COPZ2: variants seen among roughly 807,000 people sequenced by gnomAD.
COPZ2 encodes coatomer subunit zeta-2.
Under a neutral mutation model 33.2 loss-of-function variants are expected in COPZ2, and 30 were observed. The observed-to-expected ratio is 0.90, with a 90% CI of 0.68 to 1.23. The LOEUF is 1.23. Among genes scored for constraint, COPZ2 ranks in the 50% most tolerant of loss-of-function variants. The pLI is 0.00. For synonymous variants in COPZ2, 89 were observed against 102.6 expected (o/e 0.87, Z 0.80); for missense variants, 263 against 262.4 (o/e 1.00, Z -0.02).
intron 2 of COPZ2, among the ~76,000 whole-genome samples, chr17:48,035,453 T>C (rs1395151977): frequency 1.3e-5 from 2 of 152,222 alleles, no homozygotes; most frequent in Non-Finnish European, 2.9e-5. Flanking sequence ...TGGAGTGCAG[T>C]AGCTCGATCA....
intron 6 of COPZ2, among the ~76,000 whole-genome samples, chr17:48,030,179 C>T (rs868140406): frequency 6.9e-6 from 1 of 144,816 alleles, no homozygotes; most frequent in Non-Finnish European, 1.5e-5. Flanking sequence ...CCCAGCTACT[C>T]GGGAGGCTGA....
the COPZ2 span, chr17:48,043,477 G>GGT: frequency 2.1e-6 from 2 of 972,894 alleles, no homozygotes; most frequent in Non-Finnish European, 2.4e-6. Context: ...AAGAGGGGGA[G>GGT]GTGTGTGTGG....
In COPZ2 at chr17:48,036,936, A is replaced by G; in HGVS notation, c.112-11T>C. The G allele has an allele frequency of 6.2e-7, 1 of 1,612,916 alleles. No individual in the cohort carries two copies. Among genetic ancestry groups the G allele is most frequent in the East Asian group, 2.2e-5 (1 of 44,864 alleles). The stretch of plus-strand genomic sequence containing the variant: ...GGAAGGTTCCTGCAACTGACACCGG[A>G]GAGGAGAGTTCCGTTTGGCCCCTGA... On this transcript the variant is annotated splice_polypyrimidine_tract_variant and intron_variant, in intron 1 of 8. Transcript: ENST00000621465.
intron 8 of COPZ2, 47 bp from the exon 9 acceptor site, chr17:48,026,522 GC>G: frequency 7.2e-7 from 1 of 1,392,286 alleles, no homozygotes; most frequent in South Asian, 1.2e-5. Flanking sequence ...AATGTCAAAT[GC>G]CTCCATACAC....
At chr17:48,042,622 C>G (rs990125331), upstream of COPZ2, among the ~76,000 whole-genome samples, 5 of 152,090 alleles carry the variant, frequency 3.3e-5, no homozygotes, top group South Asian at 4.1e-4. Context: ...CCACCATGCC[C>G]GGCTAATTTT....
intron 2 of COPZ2, among the ~76,000 whole-genome samples, chr17:48,034,593 G>A (rs1187246111): frequency 6.6e-6 from 1 of 152,074 alleles, no homozygotes; most frequent in Non-Finnish European, 1.5e-5. Flanking sequence ...CAGGAAAGAC[G>A]GCAAAACCAG....
At chr17:48,043,094 C>A in the COPZ2 span, among the ~76,000 whole-genome samples, 1 of 152,238 alleles carries the variant, frequency 6.6e-6, no homozygotes, top group African/African-American at 2.4e-5. Flanking sequence ...AGAGCCTCCC[C>A]AGCTCGAGGA....
the COPZ2 span, chr17:48,047,978 G>T: frequency 6.6e-6 from 1 of 152,318 alleles, no homozygotes; most frequent in Non-Finnish European, 1.5e-5. Context: ...CCTGACCTAG[G>T]CCTTCATTCC....
chr17:48,043,461 A>G, the COPZ2 span: 1 of 924,992 alleles, frequency 1.1e-6, no homozygotes, highest in Non-Finnish European at 1.3e-6. Context: ...CCTCCTGCTT[A>G]ATGTCAAGAG....
intron 6 of COPZ2, 75 bp from the exon 7 acceptor site, chr17:48,029,251 C>G (rs2036858061): frequency 1.5e-6 from 2 of 1,378,704 alleles, no homozygotes; most frequent in Non-Finnish European, 2.0e-6. Flanking sequence ...CCTTGCCAAG[C>G]CTCTTCCCTC....
At chr17:48,043,555 T>G in the COPZ2 span, 1 of 985,422 alleles carries the variant, frequency 1.0e-6, no homozygotes, top group Non-Finnish European at 1.2e-6. Context: ...ATGCTCTGTC[T>G]GTAGGATGGG....
intron 2 of COPZ2, among the ~76,000 whole-genome samples, chr17:48,034,810 C>G (rs59128042): frequency 0.049 from 7,410 of 152,066 alleles, 197 homozygotes; most frequent in Middle Eastern, 0.12. Flanking sequence ...TGGTGAAACC[C>G]CATCTCTACT....
At chr17:48,037,955 C>T, upstream of COPZ2, 1 of 677,692 alleles carries the variant, frequency 1.5e-6, no homozygotes, top group Non-Finnish European at 1.8e-6. The surrounding 1 kb of genome is among the most constrained non-coding windows in gnomAD (Gnocchi z 5.6). Flanking sequence ...CCTTCCCCCA[C>T]TTCTCCTCTC....
At chr17:48,031,073 C>T (rs577172975) in intron 6 of COPZ2, among the ~76,000 whole-genome samples, 3 of 152,282 alleles carry the variant, frequency 2.0e-5, no homozygotes, top group Non-Finnish European at 2.9e-5. Context: ...GAGAGACCTC[C>T]GGCGTGTCAC....
At chr17:48,044,099 C>G in the COPZ2 span, among the ~76,000 whole-genome samples, 1 of 152,210 alleles carries the variant, frequency 6.6e-6, no homozygotes, top group Admixed American at 6.5e-5. Context: ...GTAATCCCAG[C>G]ACTTTGGGAG....
At chr17:48,032,804 C>T (rs983974545) in intron 4 of COPZ2, 63 bp from the exon 5 acceptor site, 3 of 1,351,568 alleles carry the variant, frequency 2.2e-6, no homozygotes, top group African/African-American at 2.9e-5. Flanking sequence ...TCAAAAGAAG[C>T]ACTTGGAGCC....
rs749947755 is a variant in COPZ2 at position 48,033,296 on chromosome 17, A to G, written c.275T>C (p.Ile92Thr). The G allele has an allele frequency of 8.1e-6, 13 of 1,609,672 alleles. No individual in the cohort carries two copies. Among genetic ancestry groups the G allele is most frequent in the African/African-American group, 8.0e-5 (6 of 74,802 alleles). The change falls in exon 4 of 9, where the codon ATT becomes ACT. Residue 92 changes from isoleucine to threonine, a missense_variant. Physicochemically the swap from Ile to Thr is moderately conservative, Grantham distance 89. Coordinates refer to ENST00000621465, the MANE Select transcript of COPZ2 (RefSeq NM_016429.4). ...GATGGTCATACCCCCAAAAAATGCAATCTCACCTAGAAGTGGAGGGAGCTT... is the reference window on the plus strand; with the variant it reads ...GATGGTCATACCCCCAAAAAATGCAGTCTCACCTAGAAGTGGAGGGAGCTT... ...FNKTSRTESEIAFFGGMTIVY... is the reference protein window; with the variant it reads ...FNKTSRTESETAFFGGMTIVY...
chr17:48,040,866 T>C (rs1043921937), upstream of COPZ2, among the ~76,000 whole-genome samples: 4 of 151,954 alleles, frequency 2.6e-5, no homozygotes, highest in African/African-American at 7.2e-5. Flanking sequence ...TGATACCATA[T>C]TGGCTGGGTG....
chr17:48,037,308 C>T lies in COPZ2; in HGVS notation c.111+359G>A. The T allele has an allele frequency of 2.1e-6, 1 of 470,602 alleles. No homozygotes were observed. The highest frequency in any genetic ancestry group is 1.8e-5 in the South Asian group (1 of 56,132). The allele number at this position is 470,602 out of a possible 1,614,324, so 29.2% of individuals were successfully genotyped here. A position where few individuals can be genotyped will look rare whatever the true frequency, so the allele number is the denominator to read the frequency against. The stretch of plus-strand genomic sequence containing the variant: ...CCGGGCTGGACCTGCGCTATCAGCG[C>T]GCCCCCAGGCCCTGGCCCGGGTAGA... On this transcript the variant is annotated intron_variant, in intron 1 of 8. Transcript: ENST00000621465. The surrounding 1 kb of genome is among the most constrained non-coding windows in gnomAD (Gnocchi z 5.6).
Sources: gnomAD v4.1 joint callset for allele counts (sites outside exome capture counted in the v4.1 genomes callset) on GRCh38, gnomAD v4.1.1 for gene constraint, Gnocchi (gnomAD v3.1) non-coding constraint, MANE v1.5 for transcripts, NCBI Gene and HGNC (gene_info 2026-07-23, HGNC 2026-07-21) for gene names.